Variants in PID1 observed in about 807,000 individuals in gnomAD.
PID1 encodes phosphotyrosine interaction domain containing 1.
PID1 carries 10 observed loss-of-function variants against 19.1 expected under a neutral mutation model. The ratio of observed to expected loss-of-function variants is 0.52; its 90% confidence interval spans 0.32 to 0.89. PID1 has a LOEUF of 0.89. PID1 is among the 40% of genes least tolerant of loss of function. The probability of loss-of-function intolerance (pLI) is 0.03; values close to 1 mark genes in which losing one functional copy is unlikely to be tolerated. For synonymous variants in PID1, 130 were observed against 116.0 expected, an observed-to-expected ratio of 1.12 and a Z score of -0.78; for missense variants, 248 against 285.3, an observed-to-expected ratio of 0.87 and a Z score of 0.94.
chr2:229,253,407 T>G (rs1056456249), intron 1 of PID1, among the ~76,000 whole-genome samples: 2 of 152,104 alleles, frequency 1.3e-5, no homozygotes, highest in African/African-American at 4.8e-5. Context: ...TATAAAAATC[T>G]TAAGATTTAT....
intron 1 of PID1, among the ~76,000 whole-genome samples, chr2:229,200,143 G>A (rs1197521317): frequency 3.3e-5 from 5 of 151,978 alleles, no homozygotes; most frequent in Non-Finnish European, 5.9e-5. Flanking sequence ...GCACTCCCCC[G>A]ACTCATCCTA....
Position 229,025,510 on chromosome 2 carries a change from A to T in PID1, c.*122T>A. ...GATTTAGAATTGCTCTTCTGAATTTAAAAACCTTGGTCAGCCAATAGTTTG... is the reference window on the plus strand; with the variant it reads ...GATTTAGAATTGCTCTTCTGAATTTTAAAACCTTGGTCAGCCAATAGTTTG... On this transcript the variant is annotated 3_prime_UTR_variant, in exon 3 of 3. Coordinates refer to ENST00000392055, the MANE Select transcript of PID1 (RefSeq NM_001100818.2). 1.4e-6 allele frequency: 1 copy of T among 727,862 alleles called. No homozygotes were observed. The allele number at this position is 727,862 out of a possible 1,614,324, so 45.1% of individuals were successfully genotyped here.
At chr2:229,104,163 G>A (rs1009007936) in intron 2 of PID1, among the ~76,000 whole-genome samples, 1 of 152,130 alleles carries the variant, frequency 6.6e-6, no homozygotes. Flanking sequence ...AGCGAAGCAA[G>A]GAAATTCACA....
chr2:229,086,095 A>G (rs973659445), intron 2 of PID1, among the ~76,000 whole-genome samples: 3 of 152,090 alleles, frequency 2.0e-5, no homozygotes, highest in Non-Finnish European at 4.4e-5. Context: ...GGAAAGAGCA[A>G]TATATCTTTA....
chr2:229,160,189 C>A (rs1690463416), intron 1 of PID1, among the ~76,000 whole-genome samples: 1 of 152,194 alleles, frequency 6.6e-6, no homozygotes, highest in East Asian at 1.9e-4. Context: ...GTTGAGACAA[C>A]CACACTGCCT....
chr2:229,208,833 G>A (rs1004697355), intron 1 of PID1, among the ~76,000 whole-genome samples: 1 of 152,128 alleles, frequency 6.6e-6, no homozygotes, highest in Non-Finnish European at 1.5e-5. Context: ...GGAGAGAAAG[G>A]GTATTATCAG....
chr2:229,027,322 T>C (rs1243609869), intron 2 of PID1, among the ~76,000 whole-genome samples: 1 of 152,226 alleles, frequency 6.6e-6, no homozygotes, highest in Non-Finnish European at 1.5e-5. Flanking sequence ...GGGAACCTCT[T>C]ATACACAATG....
intron 1 of PID1, among the ~76,000 whole-genome samples, chr2:229,261,160 G>T (rs1240625935): frequency 2.0e-5 from 3 of 152,140 alleles, no homozygotes; most frequent in Admixed American, 6.5e-5. Context: ...CTAGGAGAAA[G>T]CCAGGAGCTG....
chr2:229,049,548 C>T (rs1233930204), intron 2 of PID1, among the ~76,000 whole-genome samples: 1 of 152,072 alleles, frequency 6.6e-6, no homozygotes, highest in African/African-American at 2.4e-5. Context: ...TATAAGCACC[C>T]AAATACATTT....
At chr2:229,146,465 G>A (rs1176816386) in intron 2 of PID1, among the ~76,000 whole-genome samples, 1 of 151,966 alleles carries the variant, frequency 6.6e-6, no homozygotes. Flanking sequence ...TGCACGTTCT[G>A]CACATGTATC....
intron 2 of PID1, among the ~76,000 whole-genome samples, chr2:229,098,073 T>G (rs1283938857): frequency 6.6e-6 from 1 of 152,208 alleles, no homozygotes; most frequent in African/African-American, 2.4e-5. Context: ...CATTGAATCA[T>G]GAGCCTATGC....
chr2:229,071,233 C>G (rs563370473), intron 2 of PID1, among the ~76,000 whole-genome samples: 1 of 152,338 alleles, frequency 6.6e-6, no homozygotes, highest in East Asian at 1.9e-4. Context: ...TACACTGACT[C>G]TGAGAGAAGT....
intron 2 of PID1, among the ~76,000 whole-genome samples, chr2:229,122,532 A>G (rs1695544370): frequency 6.6e-6 from 1 of 152,030 alleles, no homozygotes; most frequent in African/African-American, 2.4e-5. Flanking sequence ...GTCCCCCTAC[A>G]GTGAGACCAA....
intron 1 of PID1, among the ~76,000 whole-genome samples, chr2:229,181,025 C>T (rs141154714): frequency 2.6e-5 from 4 of 152,356 alleles, no homozygotes; most frequent in Admixed American, 6.5e-5. Flanking sequence ...ACTCTCCCCG[C>T]GGCTCATTTT....
At chr2:229,072,594 G>GAA (rs71043088) in intron 2 of PID1, among the ~76,000 whole-genome samples, 1 of 136,232 alleles carries the variant, frequency 7.3e-6, no homozygotes, top group African/African-American at 2.7e-5. Flanking sequence ...TCTCAAAAAA[G>GAA]AAAAAAAAAA....
At chr2:229,124,584 T>C (rs1695585456) in intron 2 of PID1, among the ~76,000 whole-genome samples, 1 of 152,188 alleles carries the variant, frequency 6.6e-6, no homozygotes, top group African/African-American at 2.4e-5. Context: ...TTTGCCTTTA[T>C]TCTACTCAAC....
intron 2 of PID1, among the ~76,000 whole-genome samples, chr2:229,142,600 C>T (rs1436440766): frequency 6.6e-6 from 1 of 152,184 alleles, no homozygotes; most frequent in Non-Finnish European, 1.5e-5. Context: ...AAAAAATGCT[C>T]ATCATCACTG....
At position 229,238,713 on chromosome 2, in the gene PID1, C is replaced by CAGGGAAGACATGGGCAGGGATA. The variant is rs1316430328; in HGVS notation, c.30+32279_30+32300dup. On this transcript the variant is annotated intron_variant, in intron 1 of 2. Coordinates refer to ENST00000392055, the MANE Select transcript of PID1 (RefSeq NM_001100818.2). ...AGAAACGAGTAAGTCTCTGGCCTCACAGGGAAGACATGGGCAGGGATAAGA... is the reference window on the plus strand; with the variant it reads ...AGAAACGAGTAAGTCTCTGGCCTCACAGGGAAGACATGGGCAGGGATAAGGGAAGACATGGGCAGGGATAAGA... Among the ~76,000 whole-genome samples the CAGGGAAGACATGGGCAGGGATA allele has an allele frequency of 3.9e-5, 6 of 152,180 alleles. No individual in the cohort carries two copies. In the East Asian group the frequency reaches 1.2e-3, roughly 30 times the overall value.
chr2:229,032,990 C>A (rs1296158714), intron 2 of PID1, among the ~76,000 whole-genome samples: 1 of 152,140 alleles, frequency 6.6e-6, no homozygotes, highest in Non-Finnish European at 1.5e-5. Flanking sequence ...CATGAGTTTT[C>A]CAACACCCCA....
Sources: allele counts gnomAD v4.1 joint callset (sites outside exome capture counted in the v4.1 genomes callset), GRCh38; gene constraint gnomAD v4.1.1; transcripts MANE v1.5; gene names NCBI Gene and HGNC (gene_info 2026-07-23, HGNC 2026-07-21).